TMBIM1: variants seen among roughly 807,000 people sequenced by gnomAD.
TMBIM1 encodes transmembrane BAX inhibitor motif containing 1, also known as protein lifeguard 3.
Under a neutral mutation model 45.1 loss-of-function variants are expected in TMBIM1, and 34 were observed. The observed-to-expected ratio is 0.75, with a 90% CI of 0.57 to 1.00. The LOEUF (loss-of-function observed/expected upper bound fraction) is 1.00, where lower values mean the gene tolerates loss of function less well. TMBIM1 is among the 50% of genes least tolerant of loss of function. The pLI, the probability that TMBIM1 is intolerant of heterozygous loss-of-function variation, is 0.00. For synonymous variants in TMBIM1, 157 were observed against 153.5 expected, an observed-to-expected ratio of 1.02 and a Z score of -0.17; for missense variants, 374 against 402.4, an observed-to-expected ratio of 0.93 and a Z score of 0.60.
intron 2 of TMBIM1, 41 bp downstream of exon 2, chr2:218,281,899 G>C (rs1692043759): frequency 1.3e-6 from 2 of 1,518,036 alleles, no homozygotes; most frequent in Non-Finnish European, 1.8e-6. Flanking sequence ...TCCAAGTGCT[G>C]TCCCTCCCAC....
chr2:218,284,522 C>T (rs549407918), intron 1 of TMBIM1, among the ~76,000 whole-genome samples: 72 of 152,374 alleles, frequency 4.7e-4, no homozygotes, highest in African/African-American at 1.7e-3. Context: ...GGTTCTGGTG[C>T]AGCTCAGCGG....
At position 218,276,040 on chromosome 2, in the gene TMBIM1, T is replaced by G; in HGVS notation, c.775A>C (p.Ile259Leu). The part of the protein sequence containing the change: ...LHMLYAALGA[I>L]CFTLFLAYDT... ...CTGGGACTTACCAGGGTGAAACAAA[T>G]GGCCCCCAGAGCAGCATAGAGCATG... Residue 259 changes from isoleucine to leucine, a missense_variant, in exon 11 of 12, where the codon ATT becomes CTT. Ile to Leu is a conservative substitution (Grantham distance 5). Transcript: ENST00000258412. 6.2e-7 allele frequency: 1 copy of G among 1,612,642 alleles called. No individual in the cohort carries two copies. The highest frequency in any genetic ancestry group is 8.5e-7 in the Non-Finnish European group (1 of 1,179,464).
rs1574621890 is a variant in TMBIM1, at chr2:218,275,085, G to C, written c.*390C>G. ...CTACGTAGTCAAGAAGCCTGTGACA[G>C]AGGTGGGAGGGGAACCTCGTGACCT... On this transcript the variant is annotated 3_prime_UTR_variant, in exon 12 of 12. Transcript: ENST00000258412. 6.2e-6 allele frequency: 1 copy of C among 160,256 alleles called. No homozygotes were observed. The highest frequency in any genetic ancestry group is 2.4e-5 in the African/African-American group (1 of 41,768). 9.9% of individuals were successfully genotyped at this position (160,256 alleles called of 1,614,324 possible).
intron 2 of TMBIM1, 68 bp from the exon 3 acceptor site, chr2:218,280,194 T>G (rs1476021667): frequency 4.3e-6 from 5 of 1,161,354 alleles, no homozygotes; most frequent in Non-Finnish European, 5.2e-6. Context: ...AAAGCCTCCC[T>G]GACAATCTCA....
In TMBIM1 at chr2:218,276,052, C is replaced by A; in HGVS notation, c.763G>T (p.Ala255Ser). 6.2e-7 allele frequency: 1 copy of A among 1,613,076 alleles called. No individual in the cohort carries two copies. The highest frequency in any genetic ancestry group is 1.1e-5 in the South Asian group (1 of 90,690). Residue 255 changes from alanine (A) to serine (S), a missense_variant, in exon 11 of 12, where the codon GCT becomes TCT. Coordinates refer to ENST00000258412, the MANE Select transcript of TMBIM1 (RefSeq NM_022152.6). Reference sequence around the variant, plus strand: ...AGGGTGAAACAAATGGCCCCCAGAGCAGCATAGAGCATGTGGAGCCAGTAA... The same window carrying A: ...AGGGTGAAACAAATGGCCCCCAGAGAAGCATAGAGCATGTGGAGCCAGTAA... ...YVYWLHMLYA[A>S]LGAICFTLFL...
chr2:218,288,685 C>G (rs1366968986), intron 1 of TMBIM1, among the ~76,000 whole-genome samples: 3 of 152,076 alleles, frequency 2.0e-5, no homozygotes, highest in Non-Finnish European at 1.5e-5. Context: ...GCCCCAAATC[C>G]GAAAAAATCC....
chr2:218,283,179 CA>C (rs144138266), intron 1 of TMBIM1, among the ~76,000 whole-genome samples: 2,260 of 152,294 alleles, frequency 0.015, 58 homozygotes, highest in African/African-American at 0.052. Context: ...GCCAAGAAAC[CA>C]GGGGGAGGGA....
rs539838452 is a variant in TMBIM1 at position 218,277,117 on chromosome 2, A to C, written c.640-18T>G. 7.5e-6 allele frequency: 12 copies of C among 1,609,770 alleles called. No individual in the cohort carries two copies. In the East Asian group the frequency reaches 2.7e-4, roughly 36 times the overall value. On this transcript the variant is annotated intron_variant, in intron 9 of 11. Transcript: ENST00000258412. ...AAGTCCACCTGCCAGGAAGCAAGAA[A>C]GAGGCACCTGTCAGATGGCTGTGAC...
At chr2:218,277,304 G>C in intron 9 of TMBIM1, 62 bp downstream of exon 9, 1 of 1,483,004 alleles carries the variant, frequency 6.7e-7, no homozygotes, top group Non-Finnish European at 9.4e-7. Flanking sequence ...TAGTGTGCCG[G>C]GGTCCGGGCC....
chr2:218,277,135 G>T, intron 9 of TMBIM1, 36 bp from the exon 10 acceptor site: 1 of 1,580,530 alleles, frequency 6.3e-7, no homozygotes, highest in Non-Finnish European at 8.7e-7. Context: ...CTGTCAGATG[G>T]CTGTGACAAC....
intron 3 of TMBIM1, chr2:218,279,689 A>C (rs1691668895): frequency 4.1e-6 from 2 of 491,604 alleles, no homozygotes; most frequent in Non-Finnish European, 7.3e-6. Flanking sequence ...AGGGTGGGTT[A>C]CAAGCGAGTA....
chr2:218,277,332 C>CG (rs770252261), intron 9 of TMBIM1, 34 bp downstream of exon 9: 1 of 1,593,876 alleles, frequency 6.3e-7, no homozygotes, highest in South Asian at 1.1e-5. Flanking sequence ...AAAGGGGAGT[C>CG]GGGGGGCCAG....
intron 6 of TMBIM1, 76 bp downstream of exon 6, chr2:218,278,439 T>C (rs1465027745): frequency 7.0e-7 from 1 of 1,438,206 alleles, no homozygotes; most frequent in Non-Finnish European, 9.8e-7. Context: ...TATAAAGGAA[T>C]CCTTCTTTCC....
At chr2:218,275,697 C>T (rs1235884108) in intron 11 of TMBIM1, 76 bp from the exon 12 acceptor site, 26 of 1,544,830 alleles carry the variant, frequency 1.7e-5, no homozygotes, top group Non-Finnish European at 2.2e-5. Context: ...GCAGATTTGT[C>T]TTGGGGGCCT....
chr2:218,284,354 G>A (rs1692326526), intron 1 of TMBIM1: 1 of 152,284 alleles, frequency 6.6e-6, no homozygotes. Flanking sequence ...GGCTCTGCAG[G>A]GCCTGACCTT....
At chr2:218,282,905 G>A (rs776806035) in intron 1 of TMBIM1, among the ~76,000 whole-genome samples, 5 of 152,186 alleles carry the variant, frequency 3.3e-5, no homozygotes, top group South Asian at 2.1e-4. Flanking sequence ...CAGCGGTGGC[G>A]TGTCAGAAAG....
chr2:218,283,657 G>A (rs1022818534), intron 1 of TMBIM1, among the ~76,000 whole-genome samples: 3 of 152,202 alleles, frequency 2.0e-5, no homozygotes, highest in Non-Finnish European at 2.9e-5. Context: ...TCTCTTTTTA[G>A]GGCACATTGC....
chr2:218,281,277 A>C (rs1325403467), intron 2 of TMBIM1, among the ~76,000 whole-genome samples: 1 of 151,424 alleles, frequency 6.6e-6, no homozygotes, highest in Non-Finnish European at 1.5e-5. Flanking sequence ...CTGGGATTAC[A>C]GGTGCACGCC....
Position 218,276,047 on chromosome 2 carries a change from C to T in TMBIM1, c.768G>A (p.Leu256=), listed in dbSNP as rs759934011. The change falls in exon 11 of 12, where the codon CTG becomes CTA. Residue 256 remains leucine (L), a synonymous_variant. Transcript: ENST00000258412. The stretch of plus-strand genomic sequence containing the variant: ...TTACCAGGGTGAAACAAATGGCCCC[C>T]AGAGCAGCATAGAGCATGTGGAGCC... ...VYWLHMLYAA[L]GAICFTLFLA... 1.2e-6 allele frequency: 2 copies of T among 1,613,054 alleles called. No individual in the cohort carries two copies. The highest frequency in any genetic ancestry group is 2.2e-5 in the South Asian group (2 of 90,678).
Sources: allele counts gnomAD v4.1 joint callset (sites outside exome capture counted in the v4.1 genomes callset), GRCh38; gene constraint gnomAD v4.1.1; transcripts MANE v1.5; gene names NCBI Gene and HGNC (gene_info 2026-07-23, HGNC 2026-07-21).